The following CRYL1 variants were observed in gnomAD, a reference collection of about 807,000 sequenced individuals.
CRYL1 encodes crystallin lambda 1.
Under a neutral mutation model 36.6 loss-of-function variants are expected in CRYL1, and 29 were observed. That is an observed-to-expected ratio of 0.79 (90% confidence interval 0.59 to 1.08). CRYL1 has a LOEUF of 1.08. CRYL1 is among the 50% of genes least tolerant of loss of function. The pLI, the probability that CRYL1 is intolerant of heterozygous loss-of-function variation, is 0.00. For missense variants in CRYL1, 411 were observed against 407.9 expected (o/e 1.01, Z -0.06); for synonymous variants, 152 against 151.5 (o/e 1.00, Z -0.02).
chr13:20,507,729 T>G (rs572102723), intron 2 of CRYL1, among the ~76,000 whole-genome samples: 6 of 151,712 alleles, frequency 4.0e-5, no homozygotes, highest in Admixed American at 3.3e-4. Flanking sequence ...CCATCCTGGC[T>G]AACACAGTGA....
At chr13:20,480,027 G>A (rs892422949) in intron 3 of CRYL1, among the ~76,000 whole-genome samples, 15 of 152,120 alleles carry the variant, frequency 9.9e-5, no homozygotes, top group Admixed American at 2.6e-4. Flanking sequence ...AGTCAAAATC[G>A]CAACACAGCT....
intron 2 of CRYL1, among the ~76,000 whole-genome samples, chr13:20,495,706 T>C (rs2033593212): frequency 6.6e-6 from 1 of 152,202 alleles, no homozygotes; most frequent in African/African-American, 2.4e-5. Context: ...CTAGCAGTGT[T>C]GTCAACAACA....
Position 20,489,385 on chromosome 13 carries a change from A to T in CRYL1, c.261T>A (p.Gly87=), listed in dbSNP as rs14236. ...CTTCACTCACCTGAATGTGCATGGCACCCTCTACTGCTTCTTGGATATTGG... is the reference window on the plus strand; with the variant it reads ...CTTCACTCACCTGAATGTGCATGGCTCCCTCTACTGCTTCTTGGATATTGG... ...GCPNIQEAVE[G]AMHIQECVPE... The change falls in exon 3 of 8, where the codon GGT becomes GGA. Residue 87 remains glycine, a synonymous_variant. Transcript: ENST00000298248. 1 of 1,612,684 alleles carries T rather than the reference A, an allele frequency of 6.2e-7. No homozygotes were observed. Among genetic ancestry groups the T allele is most frequent in the African/African-American group, 1.3e-5 (1 of 74,816 alleles).
At chr13:20,478,788 C>T (rs1488314344) in intron 3 of CRYL1, among the ~76,000 whole-genome samples, 2 of 151,954 alleles carry the variant, frequency 1.3e-5, no homozygotes, top group Non-Finnish European at 2.9e-5. Flanking sequence ...TCTTCTCGCT[C>T]TGTTGCCAGG....
At chr13:20,489,524 T>C in intron 2 of CRYL1, 28 bp from the exon 3 acceptor site, 1 of 1,610,254 alleles carries the variant, frequency 6.2e-7, no homozygotes, top group Non-Finnish European at 8.5e-7. Flanking sequence ...AGGATCACTG[T>C]GAGTATTCAA....
rs956046439 is a variant in CRYL1 at position 20,489,452 on chromosome 13, G to T, written c.194C>A (p.Ser65Tyr). ...TGACAGCTGCTCTTCCACACTCAGG[G>T]AGCCTTTCAGAGAACCTGCCTGCTC... Reference protein sequence around the residue: ...LLEQAGSLKGSLSVEEQLSLI... With the variant: ...LLEQAGSLKGYLSVEEQLSLI... The change falls in exon 3 of 8, where the codon TCC becomes TAC. Residue 65 changes from serine (S) to tyrosine (Y), a missense_variant. Transcript: ENST00000298248. The T allele has an allele frequency of 6.2e-7, 1 of 1,613,494 alleles. No homozygotes were observed. Among genetic ancestry groups the T allele is most frequent in the Non-Finnish European group, 8.5e-7 (1 of 1,180,010 alleles).
At chr13:20,417,600 C>A (rs146573583) in intron 5 of CRYL1, among the ~76,000 whole-genome samples, 2 of 152,170 alleles carry the variant, frequency 1.3e-5, no homozygotes, top group Admixed American at 6.5e-5. Context: ...CATGGTTTCG[C>A]GTCCTGAAAA....
Position 20,425,977 on chromosome 13 carries a change from T to C in CRYL1, c.633+6125A>G, listed in dbSNP as rs2137381290. On this transcript the variant is annotated intron_variant, in intron 5 of 7. Transcript: ENST00000298248. The surrounding 1 kb of genome is among the most constrained non-coding windows in gnomAD (Gnocchi z 4.4). ...GGGTGTCCCTCCTGAGGGACCTGCT[T>C]CTGCCCACACAGGCTCATGACTCCT... Among the ~76,000 whole-genome samples, 1 of 152,260 alleles carries C rather than the reference T, an allele frequency of 6.6e-6. No homozygotes were observed. Among genetic ancestry groups the C allele is most frequent in the East Asian group, 1.9e-4 (1 of 5,176 alleles).
chr13:20,407,839 G>A (rs959204365), intron 6 of CRYL1, among the ~76,000 whole-genome samples: 1 of 152,200 alleles, frequency 6.6e-6, no homozygotes, highest in African/African-American at 2.4e-5. Flanking sequence ...GGGCCTCTGA[G>A]GGACAGTGGG....
Position 20,510,905 on chromosome 13 carries a change from G to A in CRYL1, c.149+1538C>T, listed in dbSNP as rs535946690. Among the ~76,000 whole-genome samples, 6 of 151,022 alleles carry A rather than the reference G, an allele frequency of 4.0e-5. No homozygotes were observed. The East Asian group carries it at 7.7e-4, about 19-fold the overall frequency. ...GTAAGATTACTAGGCCACAAGCTCC[G>A]TGGCAAAAAAAAAGACTGTGTCTAC... On this transcript the variant is annotated intron_variant, in intron 2 of 7. Transcript: ENST00000298248.
chr13:20,475,633 A>C (rs905709789), intron 3 of CRYL1, among the ~76,000 whole-genome samples: 1 of 152,142 alleles, frequency 6.6e-6, no homozygotes, highest in Admixed American at 6.6e-5. Flanking sequence ...GATGCACAGT[A>C]GTTCCCATTA....
chr13:20,420,719 G>T (rs375465618), intron 5 of CRYL1, among the ~76,000 whole-genome samples: 3,176 of 33,264 alleles, frequency 0.095, 442 homozygotes, highest in Non-Finnish European at 0.18. Flanking sequence ...GTGTGTGTGT[G>T]TGTGTGTGTG....
intron 1 of CRYL1, among the ~76,000 whole-genome samples, chr13:20,520,915 C>G (rs1181674824): frequency 3.3e-5 from 5 of 151,990 alleles, no homozygotes; most frequent in African/African-American, 4.8e-5. Context: ...ACCATCCTGT[C>G]TAACACGGTG....
chr13:20,514,838 G>A (rs2033973560), intron 1 of CRYL1, among the ~76,000 whole-genome samples: 1 of 151,666 alleles, frequency 6.6e-6, no homozygotes, highest in African/African-American at 2.4e-5. Flanking sequence ...AAAAATAAAG[G>A]TTTTTTTTAA....
chr13:20,448,211 C>A (rs942585457), intron 3 of CRYL1, among the ~76,000 whole-genome samples: 3 of 152,094 alleles, frequency 2.0e-5, no homozygotes, highest in Non-Finnish European at 4.4e-5. Flanking sequence ...AATCTTTGAA[C>A]TTAAAGGCTA....
intron 5 of CRYL1, chr13:20,430,630 A>G: frequency 1.0e-6 from 1 of 985,122 alleles, no homozygotes; most frequent in Non-Finnish European, 1.2e-6. Context: ...CTTTGTGTAC[A>G]CCTCCCACCC....
At chr13:20,494,996 G>A (rs573896409) in intron 2 of CRYL1, among the ~76,000 whole-genome samples, 2 of 152,344 alleles carry the variant, frequency 1.3e-5, no homozygotes, top group Non-Finnish European at 2.9e-5. Flanking sequence ...TCCAGTGAAA[G>A]CTGCGGAGGA....
rs116434557 is a variant in CRYL1, at chr13:20,438,599, G to A, written c.438+994C>T. Among the ~76,000 whole-genome samples the A allele has an allele frequency of 5.8e-3, 877 of 152,216 alleles. 6 individuals are homozygous for A. Among genetic ancestry groups the A allele is most frequent in the African/African-American group, 0.019 (774 of 41,534 alleles). ...CCTCCCACAATTCTGCACACCGAGC[G>A]TGTTCTTGGCCCAGGGTCTTTGCTT... On this transcript the variant is annotated intron_variant, in intron 4 of 7. Transcript: ENST00000298248.
intron 3 of CRYL1, among the ~76,000 whole-genome samples, chr13:20,464,489 A>G (rs1478652438): frequency 6.6e-6 from 1 of 152,244 alleles, no homozygotes; most frequent in Non-Finnish European, 1.5e-5. Flanking sequence ...TACTAAAAGT[A>G]TGGACAGAAG....
Sources: allele counts gnomAD v4.1 joint callset (sites outside exome capture counted in the v4.1 genomes callset), GRCh38; gene constraint gnomAD v4.1.1; non-coding constraint Gnocchi (gnomAD v3.1); transcripts MANE v1.5; gene names NCBI Gene and HGNC (gene_info 2026-07-23, HGNC 2026-07-21).